The following KIRREL3 variants were observed in gnomAD, a reference collection of about 807,000 sequenced individuals.
KIRREL3 encodes the protein kirre like nephrin family adhesion molecule 3.
A neutral mutation model predicts 89.7 loss-of-function variants in KIRREL3; 36 were observed. That is an observed-to-expected ratio of 0.40 (90% confidence interval 0.31 to 0.53). KIRREL3 has a LOEUF of 0.53. Among genes scored for constraint, KIRREL3 ranks in the 20% least tolerant of loss-of-function variants. The probability of loss-of-function intolerance (pLI) is 0.49; values close to 1 mark genes in which losing one functional copy is unlikely to be tolerated. For missense variants in KIRREL3, 864 were observed against 1,056.6 expected (o/e 0.82, Z 2.53); for synonymous variants, 445 against 441.4 (o/e 1.01, Z -0.10).
rs928159050 is a variant in KIRREL3, at chr11:126,544,731, T to A, written c.134-18044A>T. 6.6e-6 allele frequency among the ~76,000 whole-genome samples: 1 copy of A among 152,188 alleles called. No individual in the cohort carries two copies. Among genetic ancestry groups the A allele is most frequent in the South Asian group, 2.1e-4 (1 of 4,822 alleles). On this transcript the variant is annotated intron_variant, in intron 2 of 16. Coordinates refer to ENST00000525144, the MANE Select transcript of KIRREL3 (RefSeq NM_032531.4). The surrounding 1 kb of genome is among the most constrained non-coding windows in gnomAD (Gnocchi z 5.6). ...GGAGAGTGCAGGGAGCTGTCCTTGGTTGGCAGCATCAAGATAATCGCCTAA... is the reference window on the plus strand; with the variant it reads ...GGAGAGTGCAGGGAGCTGTCCTTGGATGGCAGCATCAAGATAATCGCCTAA...
chr11:126,789,718 C>T (rs949063287), intron 1 of KIRREL3, among the ~76,000 whole-genome samples: 2 of 152,202 alleles, frequency 1.3e-5, no homozygotes, highest in African/African-American at 2.4e-5. Flanking sequence ...ATTCATTTCT[C>T]TTCAATATGG....
intron 1 of KIRREL3, among the ~76,000 whole-genome samples, chr11:126,809,931 G>A (rs1951324577): frequency 6.6e-6 from 1 of 152,184 alleles, no homozygotes; most frequent in Non-Finnish European, 1.5e-5. Context: ...AGGTTGTCCT[G>A]GGGCTCTGGG....
Position 126,642,085 on chromosome 11 carries a change from T to A in KIRREL3, c.56-79173A>T, listed in dbSNP as rs1196559679. On this transcript the variant is annotated intron_variant, in intron 1 of 16. Coordinates refer to ENST00000525144, the MANE Select transcript of KIRREL3 (RefSeq NM_032531.4). This position sits in a 1 kb window ranked among gnomAD's most constrained non-coding sequence, Gnocchi z 4.9. Reference sequence around the variant, plus strand: ...TCCCAGTGAGCGACTGCTGGGCTGTTCACAGAGAGCCAGAGGCCCCTTTGG... The same window carrying A: ...TCCCAGTGAGCGACTGCTGGGCTGTACACAGAGAGCCAGAGGCCCCTTTGG... Among the ~76,000 whole-genome samples, 1 of 152,226 alleles carries A rather than the reference T, an allele frequency of 6.6e-6. No homozygotes were observed. Among genetic ancestry groups the A allele is most frequent in the Non-Finnish European group, 1.5e-5 (1 of 68,032 alleles).
chr11:126,803,486 T>C lies in KIRREL3; in HGVS notation c.55+196969A>G, dbSNP rs1281638028. On this transcript the variant is annotated intron_variant, in intron 1 of 16. Transcript: ENST00000525144. ...AAAAATATATATTCTCTCAATCATA[T>C]ATATGTATTATACATAAAAATAAAT... Among the ~76,000 whole-genome samples the C allele has an allele frequency of 2.0e-5, 3 of 152,230 alleles. No homozygotes were observed. In the East Asian group the frequency reaches 5.8e-4, roughly 29 times the overall value.
intron 1 of KIRREL3, among the ~76,000 whole-genome samples, chr11:126,590,851 G>C (rs1039159223): frequency 6.6e-6 from 1 of 152,076 alleles, no homozygotes; most frequent in Non-Finnish European, 1.5e-5. Context: ...TTCCATCCCT[G>C]TTCTCCCCAC....
chr11:126,528,949 CAAG>C lies in KIRREL3; in HGVS notation c.134-2265_134-2263del, dbSNP rs916342668. Among the ~76,000 whole-genome samples, 2 of 152,108 alleles carry C rather than the reference CAAG, an allele frequency of 1.3e-5. No individual in the cohort carries two copies. Among genetic ancestry groups the C allele is most frequent in the Admixed American group, 6.5e-5 (1 of 15,268 alleles). On this transcript the variant is annotated intron_variant, in intron 2 of 16. Coordinates refer to ENST00000525144, the MANE Select transcript of KIRREL3 (RefSeq NM_032531.4). The surrounding 1 kb of genome is among the most constrained non-coding windows in gnomAD (Gnocchi z 4.6). ...TCCTTTTATCTCAAAATCTTTCTTA[CAAG>C]AAGGACAGAGTCAAGGCAGCTGCAG...
chr11:126,894,542 C>CAAAAAAAAAAAAA (rs10630231), intron 1 of KIRREL3, among the ~76,000 whole-genome samples: 3 of 17,486 alleles, frequency 1.7e-4, no homozygotes, highest in African/African-American at 2.5e-4. Context: ...GACCTCATCT[C>CAAAAAAAAAAAAA]AAAAAAAAAA....
At position 126,669,865 on chromosome 11, in the gene KIRREL3, G is replaced by A. The variant is rs536180871; in HGVS notation, c.56-106953C>T. 4.4e-4 allele frequency among the ~76,000 whole-genome samples: 67 copies of A among 152,092 alleles called. No individual in the cohort carries two copies. The South Asian group carries it at 0.013, about 30-fold the overall frequency. ...TTTTTTTGGAGGTCTAATAATTACC[G>A]AAAACTGTAACATGTACAAAACAGA... On this transcript the variant is annotated intron_variant, in intron 1 of 16. Transcript: ENST00000525144. The surrounding 1 kb of genome is among the most constrained non-coding windows in gnomAD (Gnocchi z 5.0).
At chr11:126,935,045 C>G in intron 1 of KIRREL3, 1 of 108,608 alleles carries the variant, frequency 9.2e-6, no homozygotes, top group East Asian at 2.4e-4. Context: ...TAGAGCAAGA[C>G]TCCGTCTTAA....
rs1951619098 is a variant in KIRREL3, at chr11:126,817,667, A to G, written c.55+182788T>C. On this transcript the variant is annotated intron_variant, in intron 1 of 16. Coordinates refer to ENST00000525144, the MANE Select transcript of KIRREL3 (RefSeq NM_032531.4). The surrounding 1 kb of genome is among the most constrained non-coding windows in gnomAD (Gnocchi z 5.7). ...GACATGCAGAAGAGCAATGAGACCA[A>G]TGCCAGATCCCAGAGGGGTCAGGGA... is the stretch of plus-strand genomic sequence containing the variant. Among the ~76,000 whole-genome samples, 1 of 152,198 alleles carries G rather than the reference A, an allele frequency of 6.6e-6. No homozygotes were observed. The highest frequency in any genetic ancestry group is 1.5e-5 in the Non-Finnish European group (1 of 68,016).
Position 126,431,442 on chromosome 11 carries a change from A to C in KIRREL3, c.1673T>G (p.Phe558Cys). The change falls in exon 14 of 17, where the codon TTC becomes TGC. Residue 558 changes from phenylalanine (F) to cysteine (C), a missense_variant. Coordinates refer to ENST00000525144, the MANE Select transcript of KIRREL3 (RefSeq NM_032531.4). The surrounding 1 kb of genome is among the most constrained non-coding windows in gnomAD (Gnocchi z 7.1). ...FLVLMATIVA[F>C]CCARSQRNLK... ...ACTTCTCTGGGAACGGGCACAGCAGAACGCCACGATGGTTGCCATAAGGAC... is the reference window on the plus strand; with the variant it reads ...ACTTCTCTGGGAACGGGCACAGCAGCACGCCACGATGGTTGCCATAAGGAC... 6.2e-7 allele frequency: 1 copy of C among 1,613,992 alleles called. No individual in the cohort carries two copies. Among genetic ancestry groups the C allele is most frequent in the Non-Finnish European group, 8.5e-7 (1 of 1,179,882 alleles).
chr11:126,774,294 G>A (rs767290677), intron 1 of KIRREL3, among the ~76,000 whole-genome samples: 5 of 151,660 alleles, frequency 3.3e-5, no homozygotes, highest in African/African-American at 4.8e-5. Flanking sequence ...CCTCATTGCC[G>A]AAGAAGGGGG....
In KIRREL3 at chr11:126,501,856, A is replaced by G. The variant is rs1957876512; in HGVS notation, c.433+19459T>C. Reference sequence around the variant, plus strand: ...GTCCATGTCTGGGGTGGGCCAGGTGAGGGGTGGAAAACATCGATACCAGTG... The same window carrying G: ...GTCCATGTCTGGGGTGGGCCAGGTGGGGGGTGGAAAACATCGATACCAGTG... On this transcript the variant is annotated intron_variant, in intron 4 of 16. Coordinates refer to ENST00000525144, the MANE Select transcript of KIRREL3 (RefSeq NM_032531.4). This position sits in a 1 kb window ranked among gnomAD's most constrained non-coding sequence, Gnocchi z 5.8. 6.6e-6 allele frequency among the ~76,000 whole-genome samples: 1 copy of G among 151,986 alleles called. No individual in the cohort carries two copies. Among genetic ancestry groups the G allele is most frequent in the African/African-American group, 2.4e-5 (1 of 41,368 alleles).
intron 1 of KIRREL3, among the ~76,000 whole-genome samples, chr11:126,821,347 A>ATATATATATG (rs1344371968): frequency 8.6e-6 from 1 of 115,924 alleles, no homozygotes; most frequent in African/African-American, 3.5e-5. Flanking sequence ...ATATATATAT[A>ATATATATATG]TATATGTAAC....
intron 1 of KIRREL3, among the ~76,000 whole-genome samples, chr11:126,842,608 T>C (rs1946061): frequency 0.85 from 129,017 of 151,830 alleles, 55,021 homozygotes; most frequent in East Asian, 1. Flanking sequence ...GATGGTCTTG[T>C]CTTTGCAGAG....
In KIRREL3 at chr11:126,751,006, TG is replaced by T. The variant is rs573722031; in HGVS notation, c.56-188095del. On this transcript the variant is annotated intron_variant, in intron 1 of 16. Transcript: ENST00000525144. Reference sequence around the variant, plus strand: ...CTTGTCTAATTTATCCATATGGATGTGTACACATGTGATTTGGACAGGAAAA... The same window carrying T: ...CTTGTCTAATTTATCCATATGGATGTTACACATGTGATTTGGACAGGAAAA... Among the ~76,000 whole-genome samples the T allele has an allele frequency of 3.4e-3, 520 of 152,378 alleles. 1 individual carries two copies. The highest frequency in any genetic ancestry group is 6.8e-3 in the Middle Eastern group (2 of 294).
intron 1 of KIRREL3, among the ~76,000 whole-genome samples, chr11:126,967,689 C>A (rs906283696): frequency 2.0e-5 from 3 of 152,076 alleles, no homozygotes; most frequent in Non-Finnish European, 4.4e-5. Context: ...GAGCCCTGGG[C>A]TCTTTTTCTT....
chr11:126,450,580 CATGTGCATGTGTGCATGTGTGT>C (rs1956029536), intron 7 of KIRREL3, among the ~76,000 whole-genome samples: 1 of 136,238 alleles, frequency 7.3e-6, no homozygotes, highest in Non-Finnish European at 1.6e-5. Flanking sequence ...TGCATGTGTG[CATGTGCATGTGTGCATGTGTGT>C]GTCCATCGGC....
rs184902939 is a variant in KIRREL3 at position 126,876,781 on chromosome 11, C to T, written c.55+123674G>A. Among the ~76,000 whole-genome samples the T allele has an allele frequency of 9.9e-5, 15 of 152,144 alleles. No individual in the cohort carries two copies. The highest frequency in any genetic ancestry group is 5.8e-4 in the East Asian group (3 of 5,164). On this transcript the variant is annotated intron_variant, in intron 1 of 16. Transcript: ENST00000525144. This position sits in a 1 kb window ranked among gnomAD's most constrained non-coding sequence, Gnocchi z 4.1. ...TTTTGAACTCATGACCTGATCTGCC[C>T]GCCTCAGCCTCCCGAAGTGCTAGGA...
Sources: allele counts gnomAD v4.1 joint callset (sites outside exome capture counted in the v4.1 genomes callset), GRCh38; gene constraint gnomAD v4.1.1; non-coding constraint Gnocchi (gnomAD v3.1); transcripts MANE v1.5; gene names NCBI Gene and HGNC (gene_info 2026-07-23, HGNC 2026-07-21).